Variants in MAML3 observed in about 807,000 individuals in gnomAD.
MAML3 encodes mastermind-like protein 3.
A neutral mutation model predicts 101.9 loss-of-function variants in MAML3; 27 were observed. The observed-to-expected ratio is 0.27, with a 90% confidence interval of 0.20 to 0.37. MAML3 has a LOEUF of 0.37. Among genes scored for constraint, MAML3 ranks in the 10% least tolerant of loss-of-function variants. The pLI is 1.00. For synonymous variants in MAML3, 501 were observed against 555.9 expected (o/e 0.90, Z 1.39); for missense variants, 1,316 against 1,444.9 (o/e 0.91, Z 1.45).
chr4:139,933,005 G>A (rs770848761), intron 1 of MAML3, among the ~76,000 whole-genome samples: 1 of 152,164 alleles, frequency 6.6e-6, no homozygotes, highest in Non-Finnish European at 1.5e-5. Context: ...ATAGTTAGCC[G>A]TGGCAGCAGA....
intron 1 of MAML3, among the ~76,000 whole-genome samples, chr4:140,130,767 G>A (rs1187155129): frequency 6.6e-6 from 1 of 152,070 alleles, no homozygotes; most frequent in Non-Finnish European, 1.5e-5. Flanking sequence ...TAATTAATAA[G>A]GATATGATGA....
chr4:140,151,696 G>GA (rs1031718860), intron 1 of MAML3, among the ~76,000 whole-genome samples: 19 of 150,304 alleles, frequency 1.3e-4, no homozygotes, highest in Non-Finnish European at 1.0e-4. Context: ...GGTGCGGGGG[G>GA]GGGGGGCACA....
chr4:139,949,606 T>A (rs576467864), intron 1 of MAML3, among the ~76,000 whole-genome samples: 111 of 152,376 alleles, frequency 7.3e-4, no homozygotes, highest in African/African-American at 2.6e-3. Context: ...TATGTTGTAC[T>A]TTTAATTTAC....
intron 1 of MAML3, among the ~76,000 whole-genome samples, chr4:140,092,720 G>C (rs1180610617): frequency 6.6e-6 from 1 of 152,090 alleles, no homozygotes; most frequent in Admixed American, 6.5e-5. Context: ...GGCGGGTGGA[G>C]CCCACACCTC....
At chr4:140,126,818 C>A (rs992100226) in intron 1 of MAML3, among the ~76,000 whole-genome samples, 1 of 152,192 alleles carries the variant, frequency 6.6e-6, no homozygotes, top group African/African-American at 2.4e-5. Context: ...GCTAGTAACA[C>A]CATTTTCCAA....
intron 1 of MAML3, among the ~76,000 whole-genome samples, chr4:139,963,865 C>T (rs1049450883): frequency 6.6e-6 from 1 of 152,110 alleles, no homozygotes; most frequent in Non-Finnish European, 1.5e-5. Flanking sequence ...CCCAGAGGTA[C>T]TCTGTCATTT....
intron 1 of MAML3, among the ~76,000 whole-genome samples, chr4:140,054,759 C>T (rs1463851419): frequency 6.6e-6 from 1 of 152,164 alleles, no homozygotes; most frequent in East Asian, 1.9e-4. Context: ...CAGGCAGGGA[C>T]CACCTTAGAA....
chr4:140,144,118 G>A (rs1000412555), intron 1 of MAML3, among the ~76,000 whole-genome samples: 1 of 152,088 alleles, frequency 6.6e-6, no homozygotes, highest in African/African-American at 2.4e-5. Context: ...GATATTAGTA[G>A]AATCCCTTCC....
intron 2 of MAML3, among the ~76,000 whole-genome samples, chr4:139,744,034 T>A (rs1289625894): frequency 6.6e-6 from 1 of 152,220 alleles, no homozygotes; most frequent in Non-Finnish European, 1.5e-5. Flanking sequence ...TCACTCTTAG[T>A]ACCTCTCAGA....
At chr4:139,881,522 A>G (rs1465696448) in intron 2 of MAML3, among the ~76,000 whole-genome samples, 2 of 152,160 alleles carry the variant, frequency 1.3e-5, no homozygotes, top group East Asian at 1.9e-4. Flanking sequence ...TCACCCTATA[A>G]CAAAGCACCA....
chr4:139,837,271 C>T (rs573037633), intron 2 of MAML3, among the ~76,000 whole-genome samples: 6 of 152,014 alleles, frequency 3.9e-5, no homozygotes, highest in South Asian at 2.1e-4. Context: ...CCGAGACGGG[C>T]GGATCACGAG....
intron 1 of MAML3, among the ~76,000 whole-genome samples, chr4:140,106,655 T>C (rs1416343268): frequency 6.6e-6 from 1 of 152,242 alleles, no homozygotes; most frequent in African/African-American, 2.4e-5. Flanking sequence ...ATACTCAATT[T>C]CATCACTTTT....
chr4:140,027,375 C>G (rs755848248), intron 1 of MAML3, among the ~76,000 whole-genome samples: 4 of 152,240 alleles, frequency 2.6e-5, no homozygotes, highest in Non-Finnish European at 4.4e-5. Flanking sequence ...CCTTCCCCTT[C>G]TCCCGTGGTA....
intron 2 of MAML3, among the ~76,000 whole-genome samples, chr4:139,792,817 T>C (rs940255824): frequency 2.0e-5 from 3 of 151,586 alleles, no homozygotes; most frequent in Non-Finnish European, 4.4e-5. Flanking sequence ...CAATCTCGGC[T>C]CACTGCAAGC....
chr4:139,845,197 A>C (rs1178047614), intron 2 of MAML3, among the ~76,000 whole-genome samples: 1 of 152,218 alleles, frequency 6.6e-6, no homozygotes, highest in Non-Finnish European at 1.5e-5. Flanking sequence ...GTTGTCCTAC[A>C]GAGAGGTCAC....
chr4:139,934,677 A>C (rs1050716770), intron 1 of MAML3, among the ~76,000 whole-genome samples: 1 of 152,110 alleles, frequency 6.6e-6, no homozygotes, highest in Admixed American at 6.5e-5. Context: ...TAGTTAAGGG[A>C]CTTCAGCTTT....
intron 1 of MAML3, among the ~76,000 whole-genome samples, chr4:139,934,060 T>C (rs1265028446): frequency 6.6e-6 from 1 of 152,118 alleles, no homozygotes; most frequent in Admixed American, 6.6e-5. Flanking sequence ...AGTGTGTGAA[T>C]TTGTGTGCCA....
Position 140,006,585 on chromosome 4 carries a change from C to CAA in MAML3, c.469-115620_469-115619dup, listed in dbSNP as rs34273207. Among the ~76,000 whole-genome samples the CAA allele has an allele frequency of 1.8e-3, 172 of 93,282 alleles. 3 individuals carry two copies. The highest frequency in any genetic ancestry group is 6.7e-3 in the African/African-American group (164 of 24,608). 61.2% of individuals were successfully genotyped at this position (93,282 alleles called of 152,430 possible). A position where few individuals can be genotyped will look rare whatever the true frequency, so the allele number is the denominator to read the frequency against. The stretch of plus-strand genomic sequence containing the variant: ...TGGGTGACAGAGCGAAACTCTGTCT[C>CAA]AAAAAAAAAAAAAAAAAAGTGAAAA... On this transcript the variant is annotated intron_variant, in intron 1 of 4. Coordinates refer to ENST00000509479, the MANE Select transcript of MAML3 (RefSeq NM_018717.5).
At chr4:140,091,539 A>AAAC (rs1287270563) in intron 1 of MAML3, among the ~76,000 whole-genome samples, 30 of 128,306 alleles carry the variant, frequency 2.3e-4, no homozygotes, top group African/African-American at 7.5e-4. Context: ...CAACAAAACA[A>AAAC]AAACAAAACA....
Sources: gnomAD v4.1 joint callset for allele counts (sites outside exome capture counted in the v4.1 genomes callset) on GRCh38, gnomAD v4.1.1 for gene constraint, MANE v1.5 for transcripts, NCBI Gene and HGNC (gene_info 2026-07-23, HGNC 2026-07-21) for gene names.